NLGN1: variants seen among roughly 807,000 people sequenced by gnomAD.
The protein encoded by NLGN1 is neuroligin 1.
A neutral mutation model predicts 65.5 loss-of-function variants in NLGN1; 12 were observed. The observed-to-expected ratio is 0.18, with a 90% confidence interval of 0.12 to 0.30. The LOEUF (loss-of-function observed/expected upper bound fraction) is 0.30, where lower values mean the gene tolerates loss of function less well. NLGN1 is among the 10% of genes least tolerant of loss of function. The pLI, the probability that NLGN1 is intolerant of heterozygous loss-of-function variation, is 1.00. For synonymous variants in NLGN1, 350 were observed against 359.5 expected (o/e 0.97, Z 0.30); for missense variants, 750 against 1,007.1 (o/e 0.74, Z 3.46).
chr3:173,613,672 G>A (rs1317842810), intron 3 of NLGN1, among the ~76,000 whole-genome samples: 1 of 152,024 alleles, frequency 6.6e-6, no homozygotes, highest in South Asian at 2.1e-4. Context: ...ATTGAACAAC[G>A]TTATTTTTAA....
At chr3:174,010,611 A>T (rs1725345367) in intron 4 of NLGN1, among the ~76,000 whole-genome samples, 1 of 152,102 alleles carries the variant, frequency 6.6e-6, no homozygotes, top group African/African-American at 2.4e-5. Context: ...AATTCTTCTT[A>T]TGGCAGATTT....
At chr3:174,204,395 T>A (rs770572231) in intron 4 of NLGN1, among the ~76,000 whole-genome samples, 19 of 152,348 alleles carry the variant, frequency 1.2e-4, no homozygotes, top group Non-Finnish European at 2.4e-4. Flanking sequence ...TAATTGTGTT[T>A]CCACTGATGT....
intron 4 of NLGN1, among the ~76,000 whole-genome samples, chr3:174,029,936 CCT>C (rs1264212812): frequency 6.6e-6 from 1 of 152,150 alleles, no homozygotes; most frequent in Admixed American, 6.5e-5. Flanking sequence ...GTCAATTAAA[CCT>C]CTTTCCTTTA....
chr3:173,777,382 G>T (rs549830253), intron 3 of NLGN1, among the ~76,000 whole-genome samples: 2 of 151,778 alleles, frequency 1.3e-5, no homozygotes, highest in Non-Finnish European at 3.0e-5. Context: ...GTTTTATCTT[G>T]TTTTTAATTG....
chr3:173,759,659 C>T (rs977250914), intron 3 of NLGN1, among the ~76,000 whole-genome samples: 2 of 151,868 alleles, frequency 1.3e-5, no homozygotes, highest in African/African-American at 4.8e-5. Context: ...TTATATTTCC[C>T]TTACACTCTG....
intron 3 of NLGN1, among the ~76,000 whole-genome samples, chr3:173,723,111 A>G (rs1164319798): frequency 2.6e-5 from 4 of 152,160 alleles, no homozygotes; most frequent in Admixed American, 1.3e-4. Flanking sequence ...GGTTCATGGC[A>G]TTTTCAAAGC....
intron 3 of NLGN1, among the ~76,000 whole-genome samples, chr3:173,779,628 A>T (rs191268145): frequency 6.6e-6 from 1 of 152,122 alleles, no homozygotes; most frequent in African/African-American, 2.4e-5. Context: ...CATCAAATCA[A>T]CTGAAAGCAG....
intron 4 of NLGN1, among the ~76,000 whole-genome samples, chr3:173,812,797 TTATA>T (rs574886541): frequency 6.9e-6 from 1 of 145,512 alleles, no homozygotes. Flanking sequence ...ATATGTATTT[TTATA>T]TATATATATA....
intron 4 of NLGN1, among the ~76,000 whole-genome samples, chr3:173,889,121 CATGAAACTGTT>C (rs1734873096): frequency 6.6e-6 from 1 of 152,074 alleles, no homozygotes; most frequent in Admixed American, 6.6e-5. Context: ...AGCATTTTGA[CATGAAACTGTT>C]ATTTCTCATC....
intron 4 of NLGN1, among the ~76,000 whole-genome samples, chr3:174,189,299 T>C (rs1006366947): frequency 6.6e-6 from 1 of 151,982 alleles, no homozygotes; most frequent in Non-Finnish European, 1.5e-5. Context: ...AATAAACCCA[T>C]CTTTCCTCAG....
chr3:173,785,500 G>A (rs555632926), intron 3 of NLGN1, among the ~76,000 whole-genome samples: 1 of 151,966 alleles, frequency 6.6e-6, no homozygotes, highest in Non-Finnish European at 1.5e-5. Context: ...AGTAGGGTGG[G>A]CATTTTTTGG....
chr3:174,043,883 G>A (rs1560909147), intron 4 of NLGN1, among the ~76,000 whole-genome samples: 1 of 150,346 alleles, frequency 6.7e-6, no homozygotes. Context: ...CCCTGGCAGA[G>A]GTTCTCCATG....
At chr3:174,275,465 G>T (rs112128958) in exon 5 of NLGN1, 1 of 1,612,612 alleles carries the variant, frequency 6.2e-7, no homozygotes, top group Admixed American at 1.7e-5. Flanking sequence ...GGGGGTTCAT[G>T]TGTCAACCTG....
chr3:174,010,763 C>A (rs139262175), intron 4 of NLGN1, among the ~76,000 whole-genome samples: 1 of 152,250 alleles, frequency 6.6e-6, no homozygotes, highest in East Asian at 1.9e-4. Flanking sequence ...GTTGATGATT[C>A]ATTGCATTTT....
chr3:173,702,378 C>A (rs149831707), intron 3 of NLGN1, among the ~76,000 whole-genome samples: 12 of 151,550 alleles, frequency 7.9e-5, no homozygotes, highest in African/African-American at 2.9e-4. Context: ...ACAGACTAGG[C>A]GATCTGTAGT....
At chr3:173,401,161 C>T (rs1041508920) in intron 1 of NLGN1, among the ~76,000 whole-genome samples, 2 of 152,136 alleles carry the variant, frequency 1.3e-5, no homozygotes, top group Non-Finnish European at 2.9e-5. Context: ...GGGGAGTGTA[C>T]TGTACATTAT....
intron 4 of NLGN1, among the ~76,000 whole-genome samples, chr3:174,073,030 A>C (rs1412254878): frequency 2.6e-5 from 4 of 152,224 alleles, no homozygotes; most frequent in African/African-American, 7.2e-5. Flanking sequence ...GAAATTCCAT[A>C]TAAATATCAA....
intron 2 of NLGN1, among the ~76,000 whole-genome samples, chr3:173,497,098 T>C (rs1730150093): frequency 1.3e-5 from 2 of 151,886 alleles, no homozygotes; most frequent in Admixed American, 1.3e-4. Flanking sequence ...GATATCCTTA[T>C]TTAGGCCAGG....
rs547637507 is a variant in NLGN1 at position 173,543,256 on chromosome 3, T to C, written c.-320-61023T>C. 2.0e-5 allele frequency among the ~76,000 whole-genome samples: 3 copies of C among 152,312 alleles called. No individual in the cohort carries two copies. In the South Asian group the frequency reaches 6.2e-4, roughly 32 times the overall value. On this transcript the variant is annotated intron_variant, in intron 2 of 6. Coordinates refer to ENST00000457714, the Ensembl canonical transcript of NLGN1. ...TTTCACAACATATGTTCTGATTTTCTACTTTTGTCTATTAGCATAGCACTT... is the reference window on the plus strand; with the variant it reads ...TTTCACAACATATGTTCTGATTTTCCACTTTTGTCTATTAGCATAGCACTT...
Sources: gnomAD v4.1 joint callset for allele counts (sites outside exome capture counted in the v4.1 genomes callset) on GRCh38, gnomAD v4.1.1 for gene constraint, MANE v1.5 for transcripts, NCBI Gene and HGNC (gene_info 2026-07-23, HGNC 2026-07-21) for gene names.